XRN1: variants seen among roughly 807,000 people sequenced by gnomAD.
The protein encoded by XRN1 is 5'-3' exoribonuclease 1.
XRN1 carries 67 observed loss-of-function variants against 222.3 expected under a neutral mutation model. The observed-to-expected ratio is 0.30, with a 90% CI of 0.25 to 0.37. The LOEUF (loss-of-function observed/expected upper bound fraction) is 0.37, where lower values mean the gene tolerates loss of function less well. Among genes scored for constraint, XRN1 ranks in the 10% least tolerant of loss-of-function variants. XRN1 has a pLI of 1.00. For missense variants in XRN1, 1,707 were observed against 2,000.2 expected, an observed-to-expected ratio of 0.85 and a Z score of 2.80; for synonymous variants, 643 against 652.4, an observed-to-expected ratio of 0.99 and a Z score of 0.22.
intron 23 of XRN1, among the ~76,000 whole-genome samples, chr3:142,378,147 A>G (rs1333209368): frequency 6.6e-6 from 1 of 152,266 alleles, no homozygotes; most frequent in Non-Finnish European, 1.5e-5. Context: ...ACCAATCAAT[A>G]AGAACAAATG....
intron 32 of XRN1, among the ~76,000 whole-genome samples, chr3:142,347,677 A>G (rs1449341517): frequency 2.6e-5 from 4 of 151,882 alleles, no homozygotes; most frequent in African/African-American, 9.7e-5. Flanking sequence ...GGCTCACTGC[A>G]ACCTCTGCCT....
intron 33 of XRN1, among the ~76,000 whole-genome samples, chr3:142,343,434 A>T (rs1341587246): frequency 6.6e-6 from 1 of 151,962 alleles, no homozygotes; most frequent in Non-Finnish European, 1.5e-5. Flanking sequence ...AGCCTGGGCA[A>T]CAAGAGCGAA....
intron 20 of XRN1, among the ~76,000 whole-genome samples, chr3:142,396,495 G>A (rs2067938533): frequency 6.6e-6 from 1 of 152,098 alleles, no homozygotes; most frequent in African/African-American, 2.4e-5. Context: ...AACTATGATG[G>A]GGTATCTAAT....
chr3:142,447,071 C>T lies in XRN1; in HGVS notation c.75+799G>A, dbSNP rs1202524867. Among the ~76,000 whole-genome samples, 2 of 152,188 alleles carry T rather than the reference C, an allele frequency of 1.3e-5. No individual in the cohort carries two copies. The highest frequency in any genetic ancestry group is 2.9e-5 in the Non-Finnish European group (2 of 68,048). ...CCCAAAGTCTAGTTTACCTAATAGA[C>T]GACTGCTTTCTCCTCTCTTTCCACA... is the stretch of plus-strand genomic sequence containing the variant. On this transcript the variant is annotated intron_variant, in intron 1 of 40. Transcript: ENST00000392981. The surrounding 1 kb of genome is among the most constrained non-coding windows in gnomAD (Gnocchi z 4.2).
chr3:142,416,702 C>A (rs1446429746), intron 13 of XRN1, among the ~76,000 whole-genome samples: 1 of 152,018 alleles, frequency 6.6e-6, no homozygotes, highest in African/African-American at 2.4e-5. Flanking sequence ...ACCTATGTTT[C>A]ATTTAAACCT....
intron 32 of XRN1, among the ~76,000 whole-genome samples, chr3:142,349,637 T>C (rs1251809612): frequency 6.6e-6 from 1 of 152,154 alleles, no homozygotes; most frequent in Non-Finnish European, 1.5e-5. Context: ...CTTTAGGGTG[T>C]TCTGTTTGAT....
intron 34 of XRN1, 25 bp from the exon 35 acceptor site, chr3:142,333,114 T>C (rs1308090634): frequency 6.2e-7 from 1 of 1,607,400 alleles, no homozygotes; most frequent in Admixed American, 1.7e-5. Context: ...ATTTTGGGCA[T>C]GAAGATGAAC....
At chr3:142,374,826 C>G (rs2067092375) in intron 25 of XRN1, among the ~76,000 whole-genome samples, 1 of 152,124 alleles carries the variant, frequency 6.6e-6, no homozygotes, top group African/African-American at 2.4e-5. Context: ...TCGAATGTGA[C>G]TTTATTTGGA....
chr3:142,407,768 C>T (rs2068401350), intron 15 of XRN1: 1 of 151,988 alleles, frequency 6.6e-6, no homozygotes, highest in Non-Finnish European at 1.5e-5. Flanking sequence ...CTGAAGAGAG[C>T]ACTGTCTTTT....
At chr3:142,382,769 G>A (rs977980539) in intron 22 of XRN1, among the ~76,000 whole-genome samples, 1 of 151,884 alleles carries the variant, frequency 6.6e-6, no homozygotes, top group Non-Finnish European at 1.5e-5. Flanking sequence ...ATATGCATAC[G>A]TGTATATATA....
intron 5 of XRN1, 51 bp from the exon 6 acceptor site, chr3:142,423,693 T>C (rs1283541438): frequency 2.8e-6 from 4 of 1,415,532 alleles, no homozygotes; most frequent in Non-Finnish European, 3.8e-6. Flanking sequence ...TTTAATAATA[T>C]TAGGTTCACA....
intron 37 of XRN1, among the ~76,000 whole-genome samples, chr3:142,325,530 T>C (rs780560230): frequency 2.0e-5 from 3 of 152,164 alleles, no homozygotes; most frequent in Non-Finnish European, 1.5e-5. Flanking sequence ...TTGTTTTTTT[T>C]CTCTTATTGT....
intron 20 of XRN1, among the ~76,000 whole-genome samples, chr3:142,395,751 A>T (rs922309442): frequency 6.6e-6 from 1 of 152,196 alleles, no homozygotes; most frequent in South Asian, 2.1e-4. Context: ...TTTGGTTTAC[A>T]TGATATAACC....
In XRN1 at chr3:142,397,230, TCA is replaced by T. The variant is rs2067964559; in HGVS notation, c.2339+97_2339+98del. On this transcript the variant is annotated intron_variant, in intron 20 of 40. Coordinates refer to ENST00000392981, the MANE Select transcript of XRN1 (RefSeq NM_001282857.2). ...AACAGGATGAAGGTGTAATTAGTAT[TCA>T]GAGTAACTACTATGTTAAATGGAAA... 3 of 1,163,196 alleles carry T rather than the reference TCA, an allele frequency of 2.6e-6. No homozygotes were observed. The African/African-American group carries it at 4.7e-5, about 18-fold the overall frequency. The allele number at this position is 1,163,196 out of a possible 1,614,324, so 72.1% of individuals were successfully genotyped here.
chr3:142,332,799 A>C lies in XRN1; in HGVS notation c.4062+168T>G, dbSNP rs1343859063. The C allele has an allele frequency of 2.9e-6, 3 of 1,046,310 alleles. No individual in the cohort carries two copies. The African/African-American group carries it at 4.8e-5, about 17-fold the overall frequency. 64.8% of individuals were successfully genotyped at this position (1,046,310 alleles called of 1,614,324 possible). A position where few individuals can be genotyped will look rare whatever the true frequency, so the allele number is the denominator to read the frequency against. On this transcript the variant is annotated intron_variant, in intron 35 of 40. Coordinates refer to ENST00000392981, the MANE Select transcript of XRN1 (RefSeq NM_001282857.2). ...AGGGGAACTGTGGTCTAAAGAGAAA[A>C]AGTATGGCTAAATTGCCCAGGGCAG... is the stretch of plus-strand genomic sequence containing the variant.
intron 33 of XRN1, among the ~76,000 whole-genome samples, chr3:142,337,491 G>T (rs985816409): frequency 1.3e-5 from 2 of 152,008 alleles, no homozygotes; most frequent in Non-Finnish European, 1.5e-5. Context: ...ATAAATAAAC[G>T]AATAACAAAT....
rs2065056258 is a variant in XRN1, at chr3:142,310,697, T to TA, written c.*813dup. ...AATACAGTTTATTAATTAACATGAC[T>TA]AATATTTCATATTTTATTTTGTTAG... On this transcript the variant is annotated 3_prime_UTR_variant, in exon 41 of 41. Coordinates refer to ENST00000392981, the MANE Select transcript of XRN1 (RefSeq NM_001282857.2). 6.6e-6 allele frequency: 1 copy of TA among 152,656 alleles called. No individual in the cohort carries two copies. Among genetic ancestry groups the TA allele is most frequent in the South Asian group, 2.1e-4 (1 of 4,832 alleles). 9.5% of individuals were successfully genotyped at this position (152,656 alleles called of 1,614,324 possible).
intron 22 of XRN1, among the ~76,000 whole-genome samples, chr3:142,381,037 T>C (rs1189473541): frequency 1.3e-5 from 2 of 150,942 alleles, no homozygotes; most frequent in African/African-American, 4.9e-5. Context: ...AAAGTGGAGG[T>C]TGCAGTGAGC....
intron 22 of XRN1, among the ~76,000 whole-genome samples, chr3:142,382,612 C>T (rs1034807257): frequency 6.6e-6 from 1 of 152,006 alleles, no homozygotes; most frequent in Non-Finnish European, 1.5e-5. Flanking sequence ...TCTTCCCTGC[C>T]CCAGATCCAG....
Sources: allele counts gnomAD v4.1 joint callset (sites outside exome capture counted in the v4.1 genomes callset), GRCh38; gene constraint gnomAD v4.1.1; non-coding constraint Gnocchi (gnomAD v3.1); transcripts MANE v1.5; gene names NCBI Gene and HGNC (gene_info 2026-07-23, HGNC 2026-07-21).